The following DAB1 variants were observed in gnomAD, a reference collection of about 807,000 sequenced individuals.
The protein encoded by DAB1 is disabled homolog 1.
Under a neutral mutation model 64.6 loss-of-function variants are expected in DAB1, and 15 were observed. The ratio of observed to expected loss-of-function variants is 0.23; its 90% CI spans 0.16 to 0.36. DAB1 has a LOEUF of 0.36. Among genes scored for constraint, DAB1 ranks in the 10% least tolerant of loss-of-function variants. The probability of loss-of-function intolerance (pLI) is 1.00; values close to 1 mark genes in which losing one functional copy is unlikely to be tolerated. For missense variants in DAB1, 596 were observed against 706.7 expected (o/e 0.84, Z 1.78); for synonymous variants, 235 against 251.9 (o/e 0.93, Z 0.64).
At chr1:58,298,010 G>A (rs574976208) in intron 4 of DAB1, among the ~76,000 whole-genome samples, 36 of 152,146 alleles carry the variant, frequency 2.4e-4, no homozygotes, top group Non-Finnish European at 4.1e-4. Flanking sequence ...GCGCTTTCAA[G>A]TAAAGTATTA....
chr1:58,410,133 C>G (rs1644652823), intron 3 of DAB1, among the ~76,000 whole-genome samples: 1 of 152,180 alleles, frequency 6.6e-6, no homozygotes, highest in South Asian at 2.1e-4. Context: ...CTTCTCAGCC[C>G]CGGCCGCCCC....
chr1:58,094,793 TC>T (rs1007348981), intron 5 of DAB1, among the ~76,000 whole-genome samples: 6 of 152,228 alleles, frequency 3.9e-5, no homozygotes, highest in African/African-American at 1.4e-4. Context: ...TTAAGGTGCA[TC>T]TAAAGAACCC....
chr1:58,033,724 T>G (rs1427466448), intron 5 of DAB1, among the ~76,000 whole-genome samples: 4 of 152,218 alleles, frequency 2.6e-5, no homozygotes, highest in African/African-American at 9.6e-5. Flanking sequence ...ACATTAAATT[T>G]TCCTAAGCAT....
intron 4 of DAB1, among the ~76,000 whole-genome samples, chr1:58,314,536 A>G (rs1662509506): frequency 1.3e-5 from 2 of 152,130 alleles, no homozygotes; most frequent in South Asian, 2.1e-4. Context: ...ATTGAGTCGT[A>G]TTTACTCACT....
intron 5 of DAB1, among the ~76,000 whole-genome samples, chr1:58,015,219 A>G (rs1034203280): frequency 1.6e-4 from 25 of 151,888 alleles, no homozygotes; most frequent in African/African-American, 5.8e-4. Context: ...AGAACAACCA[A>G]CTTTCCTCTT....
At chr1:57,116,778 CCTG>C (rs1656175859) in intron 4 of DAB1, among the ~76,000 whole-genome samples, 1 of 152,184 alleles carries the variant, frequency 6.6e-6, no homozygotes, top group Non-Finnish European at 1.5e-5. Flanking sequence ...TACTAGGATA[CCTG>C]CCATCCTTGA....
intron 7 of DAB1, among the ~76,000 whole-genome samples, chr1:57,560,273 G>A (rs961591335): frequency 3.3e-5 from 5 of 152,146 alleles, no homozygotes; most frequent in African/African-American, 9.7e-5. Flanking sequence ...TTTTGCTTCC[G>A]CAAGGTATCA....
intron 2 of DAB1, among the ~76,000 whole-genome samples, chr1:57,228,996 T>C (rs11206999): frequency 0.045 from 6,863 of 152,240 alleles, 518 homozygotes; most frequent in African/African-American, 0.16. Flanking sequence ...CTATGTTCAG[T>C]GTGAATCCAT....
intron 2 of DAB1, among the ~76,000 whole-genome samples, chr1:57,165,247 T>G (rs1336619928): frequency 6.6e-6 from 1 of 151,148 alleles, no homozygotes; most frequent in East Asian, 1.9e-4. Context: ...AAAGAAAAAA[T>G]AGGTTTTTTT....
chr1:57,503,586 A>G (rs1644314263), intron 7 of DAB1, among the ~76,000 whole-genome samples: 1 of 152,168 alleles, frequency 6.6e-6, no homozygotes, highest in Non-Finnish European at 1.5e-5. Flanking sequence ...CACATACTCT[A>G]AGACTTAGTC....
intron 7 of DAB1, among the ~76,000 whole-genome samples, chr1:57,547,243 T>C (rs963395992): frequency 1.3e-5 from 2 of 149,192 alleles, no homozygotes; most frequent in African/African-American, 5.2e-5. Context: ...TGAAGTACTA[T>C]CTTAAGAACA....
intron 3 of DAB1, among the ~76,000 whole-genome samples, chr1:58,393,752 TA>T (rs1644496113): frequency 6.6e-6 from 1 of 152,190 alleles, no homozygotes; most frequent in Non-Finnish European, 1.5e-5. Flanking sequence ...GAGATGTTAA[TA>T]AAAGGGCACA....
At chr1:57,915,834 G>A (rs1018768694) in intron 5 of DAB1, among the ~76,000 whole-genome samples, 2 of 152,188 alleles carry the variant, frequency 1.3e-5, no homozygotes. Flanking sequence ...ATCACAGTAT[G>A]GAAAAAGTTC....
chr1:57,324,976 A>C (rs578043582), intron 1 of DAB1, among the ~76,000 whole-genome samples: 1 of 152,318 alleles, frequency 6.6e-6, no homozygotes, highest in East Asian at 1.9e-4. Context: ...TCCTGTTTGT[A>C]CCTTTGATGC....
At chr1:57,716,000 C>T (rs1316021477) in intron 6 of DAB1, among the ~76,000 whole-genome samples, 1 of 152,164 alleles carries the variant, frequency 6.6e-6, no homozygotes. Flanking sequence ...AACCTCTGCT[C>T]CTGCATTCAA....
At chr1:57,531,857 T>C (rs1644667142) in intron 7 of DAB1, among the ~76,000 whole-genome samples, 1 of 152,102 alleles carries the variant, frequency 6.6e-6, no homozygotes, top group South Asian at 2.1e-4. Context: ...TCACTAAATA[T>C]GGAGCTGGGA....
At chr1:57,916,101 C>G (rs1489566220) in intron 5 of DAB1, among the ~76,000 whole-genome samples, 1 of 152,158 alleles carries the variant, frequency 6.6e-6, no homozygotes, top group African/African-American at 2.4e-5. Context: ...CAGTCACTCT[C>G]CCTGGCGGGT....
chr1:57,748,246 G>A (rs1278638208), intron 6 of DAB1, among the ~76,000 whole-genome samples: 1 of 152,152 alleles, frequency 6.6e-6, no homozygotes, highest in Non-Finnish European at 1.5e-5. Flanking sequence ...AGGTACAGGT[G>A]TGATTCATTT....
At chr1:57,489,745 G>A (rs1644138971) in intron 7 of DAB1, among the ~76,000 whole-genome samples, 1 of 152,152 alleles carries the variant, frequency 6.6e-6, no homozygotes, top group Non-Finnish European at 1.5e-5. Context: ...ATACTATAAT[G>A]ATACAAGCCT....
Sources: gnomAD v4.1 joint callset for allele counts (sites outside exome capture counted in the v4.1 genomes callset) on GRCh38, gnomAD v4.1.1 for gene constraint, MANE v1.5 for transcripts, NCBI Gene and HGNC (gene_info 2026-07-23, HGNC 2026-07-21) for gene names.